Variants in MIA2 observed in about 807,000 individuals in gnomAD.
MIA2 encodes melanoma inhibitory activity protein 2.
Under a neutral mutation model 167.8 loss-of-function variants are expected in MIA2, and 127 were observed. The ratio of observed to expected loss-of-function variants is 0.76; its 90% CI spans 0.66 to 0.88. The LOEUF is 0.88. MIA2 is among the 40% of genes least tolerant of loss of function. The pLI, the probability that MIA2 is intolerant of heterozygous loss-of-function variation, is 0.00. For synonymous variants in MIA2, 552 were observed against 541.9 expected (o/e 1.02, Z -0.26); for missense variants, 1,690 against 1,624.7 (o/e 1.04, Z -0.69).
At chr14:39,373,469 C>T (rs148112054) in intron 23 of MIA2, among the ~76,000 whole-genome samples, 176 of 152,154 alleles carry the variant, frequency 1.2e-3, no homozygotes, top group Admixed American at 3.1e-3. Context: ...CCACAAAGAG[C>T]AGAGCATTAT....
chr14:39,246,040 G>A (rs1028912172), intron 3 of MIA2, among the ~76,000 whole-genome samples: 1 of 151,758 alleles, frequency 6.6e-6, no homozygotes, highest in African/African-American at 2.4e-5. Flanking sequence ...TGAAAGCATT[G>A]ATTGCCTCTG....
intron 14 of MIA2, among the ~76,000 whole-genome samples, chr14:39,301,511 G>A (rs1302172633): frequency 6.6e-6 from 1 of 152,198 alleles, no homozygotes; most frequent in African/African-American, 2.4e-5. Context: ...CTGAAGAGAG[G>A]GAGGAGATCG....
chr14:39,347,292 T>A (rs2073483862), intron 26 of MIA2, among the ~76,000 whole-genome samples: 1 of 152,260 alleles, frequency 6.6e-6, no homozygotes, highest in Admixed American at 6.5e-5. Flanking sequence ...TCGGGAACAT[T>A]TATTTCGGAA....
At chr14:39,323,742 C>G (rs2066924273) in intron 24 of MIA2, among the ~76,000 whole-genome samples, 1 of 152,140 alleles carries the variant, frequency 6.6e-6, no homozygotes, top group Non-Finnish European at 1.5e-5. Flanking sequence ...ATATGAGTCA[C>G]TGGAAATTGA....
In MIA2 at chr14:39,267,980, A is replaced by ATTTT. The variant is rs10700134; in HGVS notation, c.1888-8943_1888-8940dup. ...CGGGGAGTTGAAATTTTGATTCTGC[A>ATTTT]TTTTTTTTTTTTTTGGTAAAGAATG... On this transcript the variant is annotated intron_variant, in intron 6 of 28. Transcript: ENST00000640607. Among the ~76,000 whole-genome samples the ATTTT allele has an allele frequency of 3.7e-4, 53 of 144,932 alleles. 1 individual carries two copies. The highest frequency in any genetic ancestry group is 2.6e-3 in the Admixed American group (38 of 14,626).
chr14:39,274,248 G>A (rs2057593374), intron 6 of MIA2, among the ~76,000 whole-genome samples: 1 of 151,974 alleles, frequency 6.6e-6, no homozygotes, highest in African/African-American at 2.4e-5. Flanking sequence ...ATGTAATTCT[G>A]TATTATATTT....
intron 25 of MIA2, among the ~76,000 whole-genome samples, chr14:39,344,574 GTC>G (rs2072781697): frequency 6.6e-6 from 1 of 152,186 alleles, no homozygotes; most frequent in African/African-American, 2.4e-5. Flanking sequence ...ATGCCAGGTG[GTC>G]TCTCTGGTTT....
intron 23 of MIA2, chr14:39,370,682 G>A: frequency 4.5e-6 from 1 of 221,424 alleles, no homozygotes; most frequent in Non-Finnish European, 9.4e-6. Flanking sequence ...GCACAGCAGA[G>A]CCACCACTTC....
chr14:39,309,671 C>T (rs2063890009), intron 18 of MIA2, among the ~76,000 whole-genome samples: 1 of 152,110 alleles, frequency 6.6e-6, no homozygotes, highest in South Asian at 2.1e-4. Context: ...TGATTGATTG[C>T]TTTTCTTTCT....
At chr14:39,311,942 G>GC (rs2152930562) in intron 18 of MIA2, among the ~76,000 whole-genome samples, 1 of 149,102 alleles carries the variant, frequency 6.7e-6, no homozygotes, top group South Asian at 2.1e-4. Context: ...CAATTCTCCT[G>GC]CCTCAGACTC....
intron 2 of MIA2, among the ~76,000 whole-genome samples, chr14:39,237,423 C>T (rs930365767): frequency 1.3e-5 from 2 of 152,116 alleles, no homozygotes; most frequent in Admixed American, 1.3e-4. Context: ...CCACCGCACC[C>T]GCCCAAGGAT....
At chr14:39,288,541 C>A (rs2060269395) in intron 9 of MIA2, among the ~76,000 whole-genome samples, 1 of 140,446 alleles carries the variant, frequency 7.1e-6, no homozygotes, top group Non-Finnish European at 1.5e-5. Context: ...ATGGTGTGAT[C>A]TCAGCACACT....
intron 24 of MIA2, among the ~76,000 whole-genome samples, chr14:39,322,983 A>G (rs944846583): frequency 2.0e-5 from 3 of 152,180 alleles, no homozygotes; most frequent in Non-Finnish European, 4.4e-5. Context: ...TAAATCCAAC[A>G]AATCAAAGTT....
chr14:39,280,154 T>TA (rs1257373225), intron 9 of MIA2, among the ~76,000 whole-genome samples: 1 of 152,202 alleles, frequency 6.6e-6, no homozygotes, highest in African/African-American at 2.4e-5. Flanking sequence ...GTCATCTTCT[T>TA]AAGTCACTGA....
intron 3 of MIA2, among the ~76,000 whole-genome samples, chr14:39,241,165 T>G (rs1379894463): frequency 6.6e-6 from 1 of 152,216 alleles, no homozygotes. Flanking sequence ...TATCTGTACA[T>G]CCTCTTTTGC....
rs2055504521 is a variant in MIA2 at position 39,265,674 on chromosome 14, G to C, written c.1888-11260G>C. 7 of 363,572 alleles carry C rather than the reference G, an allele frequency of 1.9e-5. No homozygotes were observed. The South Asian group carries it at 3.8e-4, about 20-fold the overall frequency. 22.5% of individuals were successfully genotyped at this position (363,572 alleles called of 1,614,324 possible). A position where few individuals can be genotyped will look rare whatever the true frequency, so the allele number is the denominator to read the frequency against. On this transcript the variant is annotated intron_variant, in intron 6 of 28. Coordinates refer to ENST00000640607, the MANE Select transcript of MIA2 (RefSeq NM_001329214.4). ...TTGTTTTTTGAAAGTTCTAAAACCT[G>C]AAAATTATTCTGGAGTCTTCCGAAA...
chr14:39,319,824 G>A (rs1190714266), intron 23 of MIA2, among the ~76,000 whole-genome samples: 1 of 151,948 alleles, frequency 6.6e-6, no homozygotes, highest in African/African-American at 2.4e-5. Flanking sequence ...TAATATTTCT[G>A]TCCATTGTTG....
At position 39,234,246 on chromosome 14, in the gene MIA2, C is replaced by T. The variant is rs200771431; in HGVS notation, c.115+17C>T. 30 of 1,498,812 alleles carry T rather than the reference C, an allele frequency of 2.0e-5. No homozygotes were observed. The highest frequency in any genetic ancestry group is 4.6e-5 in the South Asian group (4 of 86,214). The allele number at this position is 1,498,812 out of a possible 1,614,324, so 92.8% of individuals were successfully genotyped here. A position where few individuals can be genotyped will look rare whatever the true frequency, so the allele number is the denominator to read the frequency against. ...AATGTGAAGGTAAGTTTGCTTCCCC[C>T]GCTTCTTCTCCTCCTAAATTGAGGC... On this transcript the variant is annotated intron_variant, in intron 1 of 28. Transcript: ENST00000640607.
intron 17 of MIA2, among the ~76,000 whole-genome samples, chr14:39,304,831 T>G (rs1209690740): frequency 6.6e-6 from 1 of 152,168 alleles, no homozygotes; most frequent in African/African-American, 2.4e-5. Flanking sequence ...CCTGTAGAAA[T>G]GAAGGTGTTG....
Sources: gnomAD v4.1 joint callset for allele counts (sites outside exome capture counted in the v4.1 genomes callset) on GRCh38, gnomAD v4.1.1 for gene constraint, MANE v1.5 for transcripts, NCBI Gene and HGNC (gene_info 2026-07-23, HGNC 2026-07-21) for gene names.